The following LUZP2 variants were observed in gnomAD, a reference collection of about 807,000 sequenced individuals.
The protein encoded by LUZP2 is leucine zipper protein 2.
LUZP2 carries 52 observed loss-of-function variants against 51.6 expected under a neutral mutation model. The ratio of observed to expected loss-of-function variants is 1.01; its 90% CI spans 0.81 to 1.27. LUZP2 has a LOEUF of 1.27. Ranked by LOEUF, LUZP2 falls within the 50% of genes most tolerant of loss-of-function variation. The pLI, the probability that LUZP2 is intolerant of heterozygous loss-of-function variation, is 0.00. For synonymous variants in LUZP2, 154 were observed against 137.3 expected, an observed-to-expected ratio of 1.12 and a Z score of -0.85; for missense variants, 436 against 395.4, an observed-to-expected ratio of 1.10 and a Z score of -0.87.
intron 5 of LUZP2, among the ~76,000 whole-genome samples, chr11:24,778,114 T>G (rs1036861847): frequency 2.0e-5 from 3 of 151,942 alleles, no homozygotes; most frequent in Non-Finnish European, 2.9e-5. Context: ...ATCAAACGTA[T>G]AGTAAGCTGG....
At chr11:24,728,481 A>T (rs1277354682) in intron 1 of LUZP2, among the ~76,000 whole-genome samples, 1 of 151,874 alleles carries the variant, frequency 6.6e-6, no homozygotes, top group African/African-American at 2.4e-5. Flanking sequence ...CTTAACAGTC[A>T]CCTGTTTTCC....
chr11:24,870,313 T>G (rs12421094), intron 5 of LUZP2, among the ~76,000 whole-genome samples: 150,434 of 152,246 alleles, frequency 0.99, 74,341 homozygotes, highest in East Asian at 1. Context: ...TGAATGCTTA[T>G]GAAATGTTTT....
intron 5 of LUZP2, among the ~76,000 whole-genome samples, chr11:24,814,884 C>A (rs1020428284): frequency 4.0e-5 from 6 of 151,044 alleles, no homozygotes; most frequent in African/African-American, 1.5e-4. Flanking sequence ...CCCAGCTACT[C>A]GGGAGGCTGA....
intron 1 of LUZP2, among the ~76,000 whole-genome samples, chr11:24,668,167 A>G (rs1328352721): frequency 2.0e-5 from 3 of 152,238 alleles, no homozygotes; most frequent in African/African-American, 7.2e-5. Flanking sequence ...GAATTATTAC[A>G]GAAAAAGTGT....
chr11:25,031,322 G>T lies in LUZP2; in HGVS notation c.766-18716G>T, dbSNP rs970523304. Among the ~76,000 whole-genome samples the T allele has an allele frequency of 2.4e-4, 37 of 151,722 alleles. 1 individual carries two copies. The highest frequency in any genetic ancestry group is 1.6e-3 in the Admixed American group (25 of 15,172). The stretch of plus-strand genomic sequence containing the variant: ...ACCATGCCCAGACTACTGTATTTTT[G>T]ATACCGTTTGATAAATAGGTTTCCA... On this transcript the variant is annotated intron_variant, in intron 9 of 11. Coordinates refer to ENST00000336930, the MANE Select transcript of LUZP2 (RefSeq NM_001009909.4).
chr11:25,023,596 T>C (rs1157840378), intron 9 of LUZP2, among the ~76,000 whole-genome samples: 3 of 96,744 alleles, frequency 3.1e-5, no homozygotes, highest in African/African-American at 1.2e-4. Context: ...CCTGGATTCA[T>C]TGATTTTTTT....
chr11:24,804,104 T>G (rs1485934445), intron 5 of LUZP2, among the ~76,000 whole-genome samples: 1 of 152,008 alleles, frequency 6.6e-6, no homozygotes. Flanking sequence ...CTGTGGACAC[T>G]AAGTGTCTAC....
At chr11:25,027,596 G>C (rs867477306) in intron 9 of LUZP2, among the ~76,000 whole-genome samples, 3 of 152,004 alleles carry the variant, frequency 2.0e-5, no homozygotes, top group African/African-American at 4.8e-5. Flanking sequence ...TTTAGGTCGG[G>C]CACAGTGGCT....
chr11:24,746,029 A>G (rs1490486436), intron 4 of LUZP2, among the ~76,000 whole-genome samples: 1 of 152,126 alleles, frequency 6.6e-6, no homozygotes, highest in African/African-American at 2.4e-5. Context: ...CATTTAGGCC[A>G]TTTACCATCA....
chr11:24,950,650 T>A (rs1855048476), intron 7 of LUZP2, among the ~76,000 whole-genome samples: 2 of 151,592 alleles, frequency 1.3e-5, no homozygotes, highest in African/African-American at 4.8e-5. Context: ...AAGACCATTT[T>A]TTGCTGAAAC....
intron 5 of LUZP2, among the ~76,000 whole-genome samples, chr11:24,878,467 G>C (rs1003261656): frequency 6.6e-6 from 1 of 151,814 alleles, no homozygotes; most frequent in Admixed American, 6.6e-5. Flanking sequence ...GCTGCTTTTA[G>C]GATCCTTTTG....
chr11:24,898,287 G>C (rs1467077470), intron 5 of LUZP2, among the ~76,000 whole-genome samples: 1 of 152,038 alleles, frequency 6.6e-6, no homozygotes, highest in African/African-American at 2.4e-5. Context: ...CCTTGTATCT[G>C]TTTTCAGGTA....
intron 1 of LUZP2, among the ~76,000 whole-genome samples, chr11:24,543,341 C>T (rs899787060): frequency 1.3e-5 from 2 of 151,966 alleles, no homozygotes; most frequent in Admixed American, 1.3e-4. Flanking sequence ...AATACTGTGC[C>T]ATTTTTAAAA....
chr11:24,546,957 TTGTTGTTGGTGGTGG>T (rs758393427), intron 1 of LUZP2, among the ~76,000 whole-genome samples: 1,477 of 80,176 alleles, frequency 0.018, 10 homozygotes, highest in Middle Eastern at 0.047. Context: ...GTTGTTGTTG[TTGTTGTTGGTGGTGG>T]TGGTGGTGGT....
intron 5 of LUZP2, among the ~76,000 whole-genome samples, chr11:24,808,032 G>C (rs917280068): frequency 7.2e-5 from 11 of 151,904 alleles, no homozygotes; most frequent in African/African-American, 2.2e-4. Flanking sequence ...CAAATTGATG[G>C]GAATTGTGAA....
At chr11:24,863,456 C>G (rs1200267892) in intron 5 of LUZP2, among the ~76,000 whole-genome samples, 1 of 151,900 alleles carries the variant, frequency 6.6e-6, no homozygotes, top group Non-Finnish European at 1.5e-5. Flanking sequence ...CATATAAGAC[C>G]ATATTTTTCA....
At chr11:24,786,715 T>TATATAAATAGGTATATTATGTATTTATAC (rs1849259793) in intron 5 of LUZP2, 1 of 148,820 alleles carries the variant, frequency 6.7e-6, no homozygotes, top group Non-Finnish European at 1.5e-5. Flanking sequence ...TATGTATTTA[T>TATATAAATAGGTATATTATGTATTTATAC]ATATATATAT....
intron 1 of LUZP2, among the ~76,000 whole-genome samples, chr11:24,653,980 T>C (rs1855720565): frequency 6.6e-6 from 1 of 152,250 alleles, no homozygotes; most frequent in South Asian, 2.1e-4. Context: ...GTTATTGGAC[T>C]ATAGAAATTT....
At chr11:24,633,375 C>T (rs765572882) in intron 1 of LUZP2, among the ~76,000 whole-genome samples, 1 of 152,000 alleles carries the variant, frequency 6.6e-6, no homozygotes. Context: ...GCAAAAGATA[C>T]ACACAAGTTA....
Sources: gnomAD v4.1 joint callset for allele counts (sites outside exome capture counted in the v4.1 genomes callset) on GRCh38, gnomAD v4.1.1 for gene constraint, MANE v1.5 for transcripts, NCBI Gene and HGNC (gene_info 2026-07-23, HGNC 2026-07-21) for gene names.